TSPAN9: variants seen among roughly 807,000 people sequenced by gnomAD.
TSPAN9 encodes the protein tetraspanin 9, also known as tetraspanin-9.
Under a neutral mutation model 31.0 loss-of-function variants are expected in TSPAN9, and 16 were observed. The observed-to-expected ratio is 0.52, with a 90% confidence interval of 0.35 to 0.78. TSPAN9 has a LOEUF of 0.78. TSPAN9 is among the 30% of genes least tolerant of loss of function. The pLI, the probability that TSPAN9 is intolerant of heterozygous loss-of-function variation, is 0.01. For missense variants in TSPAN9, 272 were observed against 312.5 expected, an observed-to-expected ratio of 0.87 and a Z score of 0.98; for synonymous variants, 145 against 121.6, an observed-to-expected ratio of 1.19 and a Z score of -1.27.
intron 2 of TSPAN9, chr12:3,200,822 C>T (rs2098371125): frequency 1.3e-5 from 3 of 222,922 alleles, no homozygotes; most frequent in African/African-American, 4.7e-5. Context: ...CAAGGCTCCG[C>T]CGGCCCCCCC....
rs78940863 is a variant in TSPAN9, at chr12:3,108,352, C to T, written c.-18+24633C>T. Among the ~76,000 whole-genome samples, 239 of 152,326 alleles carry T rather than the reference C, an allele frequency of 1.6e-3. 3 individuals are homozygous for T. In the East Asian group the frequency reaches 0.031, roughly 20 times the overall value. On this transcript the variant is annotated intron_variant, in intron 2 of 8. Transcript: ENST00000011898. ...GTATAGGATCTCAGCTAGGTTCCAG[C>T]CCCCCGTCCTGTGCAAAGCATTGCT...
intron 2 of TSPAN9, among the ~76,000 whole-genome samples, chr12:3,148,212 A>G (rs1343572497): frequency 1.4e-5 from 2 of 146,688 alleles, no homozygotes; most frequent in African/African-American, 4.9e-5. Context: ...AGATAAGGAA[A>G]CTGAGGCCCA....
chr12:3,224,413 G>A lies in TSPAN9; in HGVS notation c.63+23157G>A, dbSNP rs542074117. Among the ~76,000 whole-genome samples, 4 of 152,350 alleles carry A rather than the reference G, an allele frequency of 2.6e-5. No homozygotes were observed. In the South Asian group the frequency reaches 6.2e-4, roughly 24 times the overall value. On this transcript the variant is annotated intron_variant, in intron 3 of 8. Coordinates refer to ENST00000011898, the MANE Select transcript of TSPAN9 (RefSeq NM_006675.5). ...CAGAGAGGGGAGAGCAGAATGCAGC[G>A]AGTCTGGCCCTCCCTTTTTCACACA...
chr12:3,256,896 G>A (rs927945609), intron 3 of TSPAN9, among the ~76,000 whole-genome samples: 5 of 152,192 alleles, frequency 3.3e-5, no homozygotes, highest in African/African-American at 9.7e-5. Flanking sequence ...TCCTGGGATA[G>A]TCCTGTAGTA....
rs145336830 is a variant in TSPAN9, at chr12:3,079,659, G to A, written c.-85+2206G>A. ...GTATTTTTAGTAGAGATGGAGTTTC[G>A]CCATGTTGGCCAGACTGGTCTCAAA... On this transcript the variant is annotated intron_variant, in intron 1 of 8. Coordinates refer to ENST00000011898, the MANE Select transcript of TSPAN9 (RefSeq NM_006675.5). 6.2e-3 allele frequency among the ~76,000 whole-genome samples: 949 copies of A among 151,858 alleles called. 7 individuals are homozygous for A. The highest frequency in any genetic ancestry group is 0.022 in the African/African-American group (918 of 41,378).
chr12:3,119,333 C>T lies in TSPAN9; in HGVS notation c.-18+35614C>T, dbSNP rs182437915. Reference sequence around the variant, plus strand: ...AAACAAGGCTCGGGGGGTTCACTGACTCCCCAGGGTCATCCAGTTTGGATG... The same window carrying T: ...AAACAAGGCTCGGGGGGTTCACTGATTCCCCAGGGTCATCCAGTTTGGATG... On this transcript the variant is annotated intron_variant, in intron 2 of 8. Transcript: ENST00000011898. Among the ~76,000 whole-genome samples, 513 of 152,302 alleles carry T rather than the reference C, an allele frequency of 3.4e-3. 2 individuals carry two copies. The highest frequency in any genetic ancestry group is 0.012 in the African/African-American group (492 of 41,564).
At position 3,107,898 on chromosome 12, in the gene TSPAN9, A is replaced by T. The variant is rs936568242; in HGVS notation, c.-18+24179A>T. On this transcript the variant is annotated intron_variant, in intron 2 of 8. Coordinates refer to ENST00000011898, the MANE Select transcript of TSPAN9 (RefSeq NM_006675.5). This position sits in a 1 kb window ranked among gnomAD's most constrained non-coding sequence, Gnocchi z 4.1. Reference sequence around the variant, plus strand: ...TCCAGGCCCCCAAGCCTTTGCACATATTCCTGCTCCCTGGACCAACCTCGT... The same window carrying T: ...TCCAGGCCCCCAAGCCTTTGCACATTTTCCTGCTCCCTGGACCAACCTCGT... Among the ~76,000 whole-genome samples, 1 of 152,170 alleles carries T rather than the reference A, an allele frequency of 6.6e-6. No individual in the cohort carries two copies. The highest frequency in any genetic ancestry group is 2.4e-5 in the African/African-American group (1 of 41,410).
intron 3 of TSPAN9, among the ~76,000 whole-genome samples, chr12:3,254,694 A>T (rs955908744): frequency 6.6e-6 from 1 of 152,228 alleles, no homozygotes; most frequent in Non-Finnish European, 1.5e-5. Context: ...GCATACTCTT[A>T]GTAAACCCGC....
chr12:3,089,162 G>A (rs1336071495), intron 2 of TSPAN9, among the ~76,000 whole-genome samples: 1 of 151,004 alleles, frequency 6.6e-6, no homozygotes, highest in African/African-American at 2.4e-5. Flanking sequence ...AACCTGGGAG[G>A]TGGAGCTTGC....
intron 3 of TSPAN9, among the ~76,000 whole-genome samples, chr12:3,241,133 T>C (rs1452325676): frequency 6.6e-6 from 1 of 152,188 alleles, no homozygotes; most frequent in Non-Finnish European, 1.5e-5. Flanking sequence ...TAAGACTCCA[T>C]TCTAAGAAAA....
chr12:3,188,550 T>C (rs918894106), intron 2 of TSPAN9, among the ~76,000 whole-genome samples: 1 of 152,040 alleles, frequency 6.6e-6, no homozygotes, highest in African/African-American at 2.4e-5. Context: ...CGGGCTGGCA[T>C]TTCCTCTGGC....
chr12:3,098,756 C>CT (rs34790116), intron 2 of TSPAN9, among the ~76,000 whole-genome samples: 2,844 of 139,880 alleles, frequency 0.02, 91 homozygotes, highest in African/African-American at 0.067. Flanking sequence ...CTCTCTCTCT[C>CT]TTTTTTTTTT....
Position 3,168,124 on chromosome 12 carries a change from C to A in TSPAN9, c.-17-33053C>A, listed in dbSNP as rs2098349576. Among the ~76,000 whole-genome samples the A allele has an allele frequency of 6.6e-6, 1 of 152,150 alleles. No individual in the cohort carries two copies. Among genetic ancestry groups the A allele is most frequent in the Non-Finnish European group, 1.5e-5 (1 of 68,018 alleles). ...CCACAGAAGCCCAGGCCGGGGGAGA[C>A]CACACCACCGTTCCACCGTTTAGCT... On this transcript the variant is annotated intron_variant, in intron 2 of 8. Coordinates refer to ENST00000011898, the MANE Select transcript of TSPAN9 (RefSeq NM_006675.5). The surrounding 1 kb of genome is among the most constrained non-coding windows in gnomAD (Gnocchi z 4.0).
chr12:3,236,673 G>A (rs1353521653), intron 3 of TSPAN9, among the ~76,000 whole-genome samples: 1 of 152,192 alleles, frequency 6.6e-6, no homozygotes, highest in African/African-American at 2.4e-5. Context: ...GAGAAGAGAC[G>A]AGTAAGCCTG....
chr12:3,152,968 A>C (rs185531159), intron 2 of TSPAN9, among the ~76,000 whole-genome samples: 1 of 152,326 alleles, frequency 6.6e-6, no homozygotes, highest in East Asian at 1.9e-4. Flanking sequence ...GCAGAGGCGC[A>C]CACACACCTG....
At chr12:3,228,596 T>C (rs1487071980) in intron 3 of TSPAN9, among the ~76,000 whole-genome samples, 1 of 152,252 alleles carries the variant, frequency 6.6e-6, no homozygotes, top group African/African-American at 2.4e-5. Flanking sequence ...TGAGTGCTCC[T>C]AGCTCTAGTG....
intron 2 of TSPAN9, among the ~76,000 whole-genome samples, chr12:3,097,228 G>A (rs930432841): frequency 4.6e-5 from 7 of 152,116 alleles, no homozygotes; most frequent in Non-Finnish European, 8.8e-5. Flanking sequence ...GCCTGCTTCC[G>A]TCTTCGTCAG....
chr12:3,206,061 C>G (rs1418260891), intron 3 of TSPAN9, among the ~76,000 whole-genome samples: 1 of 152,320 alleles, frequency 6.6e-6, no homozygotes, highest in East Asian at 1.9e-4. Flanking sequence ...TCGCTCTAGC[C>G]TGAGGAAGGG....
At position 3,106,068 on chromosome 12, in the gene TSPAN9, A is replaced by G. The variant is rs991642825; in HGVS notation, c.-18+22349A>G. 3.3e-5 allele frequency among the ~76,000 whole-genome samples: 5 copies of G among 151,784 alleles called. No individual in the cohort carries two copies. The East Asian group carries it at 7.8e-4, about 24-fold the overall frequency. On this transcript the variant is annotated intron_variant, in intron 2 of 8. Coordinates refer to ENST00000011898, the MANE Select transcript of TSPAN9 (RefSeq NM_006675.5). ...CACCCCATGTGCACCTACACATAGC[A>G]TGCACACTCGCTCTTGTGCGCGCAC...
Sources: gnomAD v4.1 joint callset for allele counts (sites outside exome capture counted in the v4.1 genomes callset) on GRCh38, gnomAD v4.1.1 for gene constraint, Gnocchi (gnomAD v3.1) non-coding constraint, MANE v1.5 for transcripts, NCBI Gene and HGNC (gene_info 2026-07-23, HGNC 2026-07-21) for gene names.